Variants in GOLPH3 observed in about 807,000 individuals in gnomAD.
The protein encoded by GOLPH3 is coat protein GPP34.
Under a neutral mutation model 28.5 loss-of-function variants are expected in GOLPH3, and 14 were observed. The observed-to-expected ratio is 0.49, with a 90% confidence interval of 0.32 to 0.77. GOLPH3 has a LOEUF of 0.77. Among genes scored for constraint, GOLPH3 ranks in the 30% least tolerant of loss-of-function variants. GOLPH3 has a pLI of 0.03. For synonymous variants in GOLPH3, 158 were observed against 159.2 expected, an observed-to-expected ratio of 0.99 and a Z score of 0.06; for missense variants, 350 against 393.7, an observed-to-expected ratio of 0.89 and a Z score of 0.94.
intron 1 of GOLPH3, among the ~76,000 whole-genome samples, chr5:32,156,721 G>A (rs375710286): frequency 9.9e-5 from 15 of 152,118 alleles, no homozygotes; most frequent in African/African-American, 2.9e-4. Flanking sequence ...CATCACATGC[G>A]CAGCTCATAA....
intron 3 of GOLPH3, among the ~76,000 whole-genome samples, chr5:32,130,710 C>T (rs1266506778): frequency 2.6e-5 from 4 of 152,084 alleles, no homozygotes; most frequent in Non-Finnish European, 5.9e-5. Context: ...AAAAAAAACA[C>T]CCCCTCCCCT....
intron 1 of GOLPH3, among the ~76,000 whole-genome samples, chr5:32,154,237 TA>T (rs1746369650): frequency 6.6e-6 from 1 of 152,206 alleles, no homozygotes; most frequent in African/African-American, 2.4e-5. Context: ...CAAAACTTAG[TA>T]ATTAAAATGA....
chr5:32,126,928 T>C (rs1014620515), intron 3 of GOLPH3, among the ~76,000 whole-genome samples: 3 of 152,166 alleles, frequency 2.0e-5, no homozygotes, highest in African/African-American at 7.2e-5. Flanking sequence ...CCAAATATTA[T>C]GTTTGAGCTT....
At chr5:32,151,905 T>A (rs914598070) in intron 1 of GOLPH3, among the ~76,000 whole-genome samples, 21 of 152,136 alleles carry the variant, frequency 1.4e-4, no homozygotes, top group African/African-American at 4.6e-4. Flanking sequence ...ATATATGGGG[T>A]ACCTAGAATA....
intron 1 of GOLPH3, among the ~76,000 whole-genome samples, chr5:32,171,960 A>G (rs1430664151): frequency 6.6e-6 from 1 of 152,146 alleles, no homozygotes; most frequent in Non-Finnish European, 1.5e-5. Flanking sequence ...AAAAAGAAAA[A>G]AAAAAAGACA....
chr5:32,132,395 T>C (rs900227785), intron 3 of GOLPH3, among the ~76,000 whole-genome samples: 5 of 152,214 alleles, frequency 3.3e-5, no homozygotes, highest in Non-Finnish European at 5.9e-5. Context: ...AGTATATTTC[T>C]TTCTTTGCAT....
At chr5:32,148,555 T>C (rs2111865137) in intron 1 of GOLPH3, among the ~76,000 whole-genome samples, 1 of 152,204 alleles carries the variant, frequency 6.6e-6, no homozygotes, top group African/African-American at 2.4e-5. Context: ...CCCAGCACTT[T>C]GGGAGGCCAA....
intron 1 of GOLPH3, among the ~76,000 whole-genome samples, chr5:32,170,513 T>A (rs1746808643): frequency 6.6e-6 from 1 of 152,226 alleles, no homozygotes; most frequent in Admixed American, 6.5e-5. Context: ...AGCAATGAGT[T>A]AGCATAAACG....
intron 1 of GOLPH3, among the ~76,000 whole-genome samples, chr5:32,164,870 T>C (rs1041557676): frequency 6.6e-6 from 1 of 151,438 alleles, no homozygotes; most frequent in African/African-American, 2.4e-5. Flanking sequence ...TAAATAATAT[T>C]AGCTTACTTA....
At position 32,135,600 on chromosome 5, in the gene GOLPH3, C is replaced by G. The variant is rs376311139; in HGVS notation, c.444G>C (p.Thr148=). 5 of 1,612,742 alleles carry G rather than the reference C, an allele frequency of 3.1e-6. No individual in the cohort carries two copies. Among genetic ancestry groups the G allele is most frequent in the Non-Finnish European group, 4.2e-6 (5 of 1,178,820 alleles). Residue 148 remains threonine, a synonymous_variant, in exon 3 of 4, where the codon ACG becomes ACC. Coordinates refer to ENST00000265070, the MANE Select transcript of GOLPH3 (RefSeq NM_022130.4). ...KHVKETQPPE[T]VQNWIELLSG... is the part of the protein sequence containing the mutation. ...TAAGTAATTCAATCCAGTTCTGGAC[C>G]GTTTCTGGAGGCTGAGTTTCCTTAA...
chr5:32,169,768 T>C (rs1398525062), intron 1 of GOLPH3, among the ~76,000 whole-genome samples: 1 of 152,214 alleles, frequency 6.6e-6, no homozygotes, highest in Non-Finnish European at 1.5e-5. Flanking sequence ...TGCTAATTAC[T>C]TGGCAGTTGA....
chr5:32,133,564 G>GTTT (rs1745870095), intron 3 of GOLPH3, among the ~76,000 whole-genome samples: 1 of 152,178 alleles, frequency 6.6e-6, no homozygotes, highest in Admixed American at 6.5e-5. Context: ...ATCCATCACA[G>GTTT]TATAAACGTT....
rs1455036424 is a variant in GOLPH3, at chr5:32,135,684, T to C, written c.360A>G (p.Val120=). 2 of 1,597,370 alleles carry C rather than the reference T, an allele frequency of 1.3e-6. No individual in the cohort carries two copies. Among genetic ancestry groups the C allele is most frequent in the South Asian group, 2.2e-5 (2 of 90,456 alleles). Residue 120 remains valine (V), a splice_region_variant and synonymous_variant, in exon 3 of 4, where the codon GTA becomes GTG. Coordinates refer to ENST00000265070, the MANE Select transcript of GOLPH3 (RefSeq NM_022130.4). ...CTGTTGGAGCATCTGACTTACAGATTACCTAAAAAGAAAGCAAAAAGAATG... is the reference window on the plus strand; with the variant it reads ...CTGTTGGAGCATCTGACTTACAGATCACCTAAAAAGAAAGCAAAAAGAATG... ...MRRKSLLTRK[V]ICKSDAPTGD...
intron 3 of GOLPH3, among the ~76,000 whole-genome samples, chr5:32,132,173 C>A (rs1745839309): frequency 1.3e-5 from 2 of 152,086 alleles, no homozygotes; most frequent in Admixed American, 6.6e-5. Flanking sequence ...ACAAAACAAA[C>A]AAAATACGTA....
intron 1 of GOLPH3, among the ~76,000 whole-genome samples, chr5:32,151,997 T>C (rs1310091380): frequency 1.3e-5 from 2 of 152,188 alleles, no homozygotes; most frequent in African/African-American, 4.8e-5. Context: ...AGAGTTTCGG[T>C]ATGAAATGAT....
intron 1 of GOLPH3, among the ~76,000 whole-genome samples, chr5:32,150,151 T>C (rs992608961): frequency 6.6e-6 from 1 of 151,888 alleles, no homozygotes; most frequent in African/African-American, 2.4e-5. Context: ...AATACACATG[T>C]TAAAATACTA....
intron 2 of GOLPH3, among the ~76,000 whole-genome samples, chr5:32,141,797 A>G (rs990685243): frequency 6.6e-6 from 1 of 151,864 alleles, no homozygotes; most frequent in Non-Finnish European, 1.5e-5. Context: ...GGAGACGGGG[A>G]TTCGCTGTGT....
At chr5:32,140,802 C>CA (rs553950121) in intron 2 of GOLPH3, among the ~76,000 whole-genome samples, 4,767 of 73,300 alleles carry the variant, frequency 0.065, 122 homozygotes, top group African/African-American at 0.12. Flanking sequence ...ACTCTGTCTC[C>CA]AAAAAAAAAA....
intron 2 of GOLPH3, among the ~76,000 whole-genome samples, chr5:32,142,825 T>TGG (rs527340501): frequency 1.7e-3 from 139 of 80,794 alleles, no homozygotes; most frequent in African/African-American, 6.3e-3. Flanking sequence ...AGGAGGGAGG[T>TGG]GGGGGGGGTC....
Sources: gnomAD v4.1 joint callset for allele counts (sites outside exome capture counted in the v4.1 genomes callset) on GRCh38, gnomAD v4.1.1 for gene constraint, MANE v1.5 for transcripts, NCBI Gene and HGNC (gene_info 2026-07-23, HGNC 2026-07-21) for gene names.